Variants in PCDH15 observed in about 807,000 individuals in gnomAD.
PCDH15 encodes the protein protocadherin-15.
A neutral mutation model predicts 178.5 loss-of-function variants in PCDH15; 129 were observed. The observed-to-expected ratio is 0.72, with a 90% CI of 0.63 to 0.84. The LOEUF (loss-of-function observed/expected upper bound fraction) is 0.84, where lower values mean the gene tolerates loss of function less well. Ranked by LOEUF, PCDH15 falls within the 40% of genes least tolerant of loss-of-function variation. The pLI, the probability that PCDH15 is intolerant of heterozygous loss-of-function variation, is 0.00. For missense variants in PCDH15, 2,230 were observed against 2,099.9 expected (o/e 1.06, Z -1.21); for synonymous variants, 800 against 732.0 (o/e 1.09, Z -1.50).
intron 1 of PCDH15, among the ~76,000 whole-genome samples, chr10:54,772,564 G>A (rs1949219034): frequency 6.8e-6 from 1 of 146,392 alleles, no homozygotes; most frequent in African/African-American, 2.5e-5. Flanking sequence ...ACCACAATGA[G>A]ATAACATCTC....
At chr10:54,970,132 T>C (rs1341736299) in intron 2 of PCDH15, among the ~76,000 whole-genome samples, 5 of 152,172 alleles carry the variant, frequency 3.3e-5, no homozygotes, top group Admixed American at 3.3e-4. Context: ...TGTCTTTCTG[T>C]CCCTTCTGCC....
intron 13 of PCDH15, among the ~76,000 whole-genome samples, chr10:54,182,368 G>T (rs2048068872): frequency 6.6e-6 from 1 of 152,168 alleles, no homozygotes; most frequent in Admixed American, 6.5e-5. Flanking sequence ...TCTGCCATGT[G>T]CTGGCATTAC....
chr10:54,630,561 A>G (rs1392762971), intron 2 of PCDH15, among the ~76,000 whole-genome samples: 4 of 152,172 alleles, frequency 2.6e-5, no homozygotes, highest in Admixed American at 2.6e-4. Context: ...AAGAAAACCT[A>G]GGACATGGCA....
At chr10:54,565,965 T>C (rs1275825068) in intron 2 of PCDH15, among the ~76,000 whole-genome samples, 5 of 152,058 alleles carry the variant, frequency 3.3e-5, no homozygotes, top group African/African-American at 1.2e-4. Context: ...ATGCCTGTAA[T>C]CCCAGCTACT....
chr10:54,296,698 C>A (rs941104998), intron 8 of PCDH15, among the ~76,000 whole-genome samples: 9 of 152,090 alleles, frequency 5.9e-5, no homozygotes, highest in Non-Finnish European at 8.8e-5. Context: ...ATTTTAGGAC[C>A]CCTCCTCAGG....
chr10:54,252,069 T>C (rs1005929298), intron 8 of PCDH15, among the ~76,000 whole-genome samples: 46 of 152,282 alleles, frequency 3.0e-4, no homozygotes, highest in African/African-American at 8.4e-4. Flanking sequence ...CGATGATCAC[T>C]ACCTTGCTGA....
intron 25 of PCDH15, among the ~76,000 whole-genome samples, chr10:53,929,656 AG>A (rs1380460284): frequency 6.6e-6 from 1 of 152,196 alleles, no homozygotes; most frequent in African/African-American, 2.4e-5. Context: ...AAACCACAAA[AG>A]TCAGAAGAAT....
intron 7 of PCDH15, among the ~76,000 whole-genome samples, chr10:54,328,033 T>G (rs1245574112): frequency 6.6e-6 from 1 of 152,034 alleles, no homozygotes; most frequent in Non-Finnish European, 1.5e-5. Context: ...TTGTACATTC[T>G]ATGGGAATGG....
intron 8 of PCDH15, among the ~76,000 whole-genome samples, chr10:54,267,608 G>C (rs1412295831): frequency 6.6e-6 from 1 of 151,754 alleles, no homozygotes; most frequent in Non-Finnish European, 1.5e-5. Flanking sequence ...ACAAAAAGCA[G>C]TAGTATTTCT....
chr10:54,399,303 T>G (rs2135450256), intron 3 of PCDH15, among the ~76,000 whole-genome samples: 1 of 151,610 alleles, frequency 6.6e-6, no homozygotes, highest in South Asian at 2.1e-4. Context: ...TAAATATAAA[T>G]AATATAATGA....
chr10:53,912,598 C>T (rs542165187), intron 25 of PCDH15, among the ~76,000 whole-genome samples: 2 of 152,282 alleles, frequency 1.3e-5, no homozygotes, highest in South Asian at 4.1e-4. Flanking sequence ...TCAGCAAAGT[C>T]TCAGGATACA....
intron 2 of PCDH15, among the ~76,000 whole-genome samples, chr10:55,150,536 A>C (rs1437314343): frequency 1.3e-5 from 2 of 152,104 alleles, no homozygotes; most frequent in Non-Finnish European, 2.9e-5. Context: ...TGAATGATTC[A>C]ATTATTTGCA....
chr10:54,603,360 T>C (rs2092620171), intron 2 of PCDH15, among the ~76,000 whole-genome samples: 1 of 151,972 alleles, frequency 6.6e-6, no homozygotes, highest in South Asian at 2.1e-4. Context: ...AAATAGCTTT[T>C]TTGTCCTTTT....
At chr10:54,010,496 G>A (rs1023305895) in intron 20 of PCDH15, among the ~76,000 whole-genome samples, 1 of 152,100 alleles carries the variant, frequency 6.6e-6, no homozygotes, top group African/African-American at 2.4e-5. Context: ...CAAACGCCCA[G>A]CACAGCACGG....
At chr10:54,657,271 C>T (rs1399807269) in intron 2 of PCDH15, among the ~76,000 whole-genome samples, 2 of 151,922 alleles carry the variant, frequency 1.3e-5, no homozygotes, top group African/African-American at 2.4e-5. Context: ...TTCCTGTCTG[C>T]CCAGGATGAG....
chr10:54,137,782 G>A (rs959105439), intron 14 of PCDH15, among the ~76,000 whole-genome samples: 3 of 152,148 alleles, frequency 2.0e-5, no homozygotes, highest in African/African-American at 7.2e-5. Flanking sequence ...GACAATTGTT[G>A]TTCAGTGATT....
chr10:54,949,814 T>A (rs1838290836), intron 2 of PCDH15, among the ~76,000 whole-genome samples: 1 of 151,962 alleles, frequency 6.6e-6, no homozygotes. Flanking sequence ...GCTGCCAGTC[T>A]CTTTGCTAAA....
In PCDH15 at chr10:54,643,409, A is replaced by G. The variant is rs2094040037; in HGVS notation, c.91+20763T>C. On this transcript the variant is annotated intron_variant, in intron 2 of 37. Coordinates refer to ENST00000644397, the MANE Select transcript of PCDH15 (RefSeq NM_001384140.1). ...AAAGATATGTTTTCTTCCTACTTGC[A>G]TATAATGAAAGTTAATAATAGAATC... 1.3e-5 allele frequency among the ~76,000 whole-genome samples: 2 copies of G among 152,214 alleles called. 1 individual carries two copies. The highest frequency in any genetic ancestry group is 1.3e-4 in the Admixed American group (2 of 15,290).
At chr10:54,569,989 T>C (rs2089574922) in intron 2 of PCDH15, among the ~76,000 whole-genome samples, 1 of 152,028 alleles carries the variant, frequency 6.6e-6, no homozygotes, top group African/African-American at 2.4e-5. Context: ...GAGGGCTACA[T>C]TGGTCCAAAT....
Sources: gnomAD v4.1 joint callset for allele counts (sites outside exome capture counted in the v4.1 genomes callset) on GRCh38, gnomAD v4.1.1 for gene constraint, MANE v1.5 for transcripts, NCBI Gene and HGNC (gene_info 2026-07-23, HGNC 2026-07-21) for gene names.